CDH4: variants seen among roughly 807,000 people sequenced by gnomAD.
CDH4 encodes cadherin-4.
Under a neutral mutation model 86.0 loss-of-function variants are expected in CDH4, and 33 were observed. The observed-to-expected ratio is 0.38, with a 90% confidence interval of 0.29 to 0.51. The LOEUF is 0.51. CDH4 is among the 20% of genes least tolerant of loss of function. The pLI, the probability that CDH4 is intolerant of heterozygous loss-of-function variation, is 0.86. For synonymous variants in CDH4, 555 were observed against 549.4 expected (o/e 1.01, Z -0.14); for missense variants, 1,114 against 1,307.4 (o/e 0.85, Z 2.28).
At chr20:61,581,601 C>T (rs1368047833) in intron 2 of CDH4, among the ~76,000 whole-genome samples, 1 of 152,174 alleles carries the variant, frequency 6.6e-6, no homozygotes, top group African/African-American at 2.4e-5. Context: ...CGAAGTCACA[C>T]CTCCTCCTCG....
chr20:61,554,558 A>G (rs1438979304), intron 2 of CDH4, among the ~76,000 whole-genome samples: 3 of 152,250 alleles, frequency 2.0e-5, no homozygotes, highest in Admixed American at 6.5e-5. Context: ...GGCCCCAGCC[A>G]TGGAACTGGG....
chr20:61,924,285 C>A, intron 10 of CDH4, 49 bp from the exon 11 acceptor site: 1 of 1,549,662 alleles, frequency 6.5e-7, no homozygotes, highest in Non-Finnish European at 8.8e-7. Flanking sequence ...TCCAGGGCAG[C>A]CCCGCCCACC....
chr20:61,875,422 C>G (rs1983980023), intron 7 of CDH4, among the ~76,000 whole-genome samples: 1 of 152,176 alleles, frequency 6.6e-6, no homozygotes, highest in African/African-American at 2.4e-5. Context: ...CAGACCCGCA[C>G]AGCAGAGGAC....
chr20:61,817,685 G>A (rs13042362), intron 4 of CDH4, among the ~76,000 whole-genome samples: 62,382 of 151,888 alleles, frequency 0.41, 15,667 homozygotes, highest in Non-Finnish European at 0.57. Flanking sequence ...CTGAATCCAC[G>A]GCTAGCTATG....
intron 2 of CDH4, among the ~76,000 whole-genome samples, chr20:61,650,719 C>A (rs781524187): frequency 6.6e-6 from 1 of 152,186 alleles, no homozygotes; most frequent in Non-Finnish European, 1.5e-5. Context: ...AGGTTTATTT[C>A]CATACTTAAA....
chr20:61,396,424 A>T lies in CDH4; in HGVS notation c.169+141487A>T, dbSNP rs191113957. On this transcript the variant is annotated intron_variant, in intron 2 of 15. Coordinates refer to ENST00000614565, the MANE Select transcript of CDH4 (RefSeq NM_001794.5). ...TCAGGAGGATCTGGAAAGCACGTGG[A>T]CTTCCCAGGATGCTGGCAGCGTCCG... Among the ~76,000 whole-genome samples the T allele has an allele frequency of 4.1e-4, 62 of 152,290 alleles. 2 individuals are homozygous for T. In the South Asian group the frequency reaches 0.012, roughly 30 times the overall value.
At chr20:61,628,346 CA>C (rs1259234987) in intron 2 of CDH4, among the ~76,000 whole-genome samples, 1 of 152,104 alleles carries the variant, frequency 6.6e-6, no homozygotes, top group African/African-American at 2.4e-5. Flanking sequence ...CCCCTGTGCT[CA>C]GCCGGTCACT....
chr20:61,618,751 G>A (rs559576798), intron 2 of CDH4, among the ~76,000 whole-genome samples: 15 of 152,346 alleles, frequency 9.8e-5, no homozygotes, highest in Admixed American at 3.3e-4. Flanking sequence ...GAATTCACTC[G>A]TGTGAGCAAT....
chr20:61,729,341 G>A (rs6121784), intron 2 of CDH4, among the ~76,000 whole-genome samples: 1 of 152,128 alleles, frequency 6.6e-6, no homozygotes, highest in Admixed American at 6.5e-5. Flanking sequence ...CAGTTTCTAC[G>A]GCCACTGTGG....
intron 2 of CDH4, among the ~76,000 whole-genome samples, chr20:61,572,438 G>C (rs1023187849): frequency 6.6e-6 from 1 of 152,200 alleles, no homozygotes; most frequent in Non-Finnish European, 1.5e-5. Flanking sequence ...GGGCTGGCCT[G>C]GGGTGCAGTC....
chr20:61,589,203 G>T (rs1399057773), intron 2 of CDH4, among the ~76,000 whole-genome samples: 1 of 152,158 alleles, frequency 6.6e-6, no homozygotes, highest in Admixed American at 6.5e-5. Flanking sequence ...TGCCAAATAG[G>T]CTTCCCAGAG....
chr20:61,661,548 T>C (rs951567957), intron 2 of CDH4, among the ~76,000 whole-genome samples: 7 of 149,852 alleles, frequency 4.7e-5, no homozygotes, highest in African/African-American at 1.7e-4. Flanking sequence ...TTTTAATAGC[T>C]GGAGGAAGGG....
At chr20:61,356,795 T>C (rs540722499) in intron 2 of CDH4, among the ~76,000 whole-genome samples, 2 of 152,334 alleles carry the variant, frequency 1.3e-5, no homozygotes, top group East Asian at 3.9e-4. Context: ...CAATGGAACA[T>C]CAGCCAGTTT....
At chr20:61,378,031 T>C (rs776035265) in intron 2 of CDH4, among the ~76,000 whole-genome samples, 7 of 152,162 alleles carry the variant, frequency 4.6e-5, no homozygotes, top group Non-Finnish European at 8.8e-5. Flanking sequence ...AGGTGGGCGA[T>C]CGCTTGAGCC....
chr20:61,801,494 C>T (rs1268153278), intron 4 of CDH4, among the ~76,000 whole-genome samples: 3 of 152,148 alleles, frequency 2.0e-5, no homozygotes, highest in Non-Finnish European at 2.9e-5. Context: ...TGTGAGTTGC[C>T]GGGAGCTGCT....
intron 4 of CDH4, among the ~76,000 whole-genome samples, chr20:61,818,845 G>A (rs938176341): frequency 3.3e-5 from 5 of 151,988 alleles, no homozygotes; most frequent in Admixed American, 1.3e-4. Flanking sequence ...CACCCCCTGC[G>A]CCACCCCACC....
rs148399319 is a variant in CDH4, at chr20:61,925,683, G to A, written c.1771+1207G>A. Among the ~76,000 whole-genome samples the A allele has an allele frequency of 1.3e-3, 200 of 152,350 alleles. 2 individuals are homozygous for A. Among genetic ancestry groups the A allele is most frequent in the African/African-American group, 4.6e-3 (191 of 41,586 alleles). Reference sequence around the variant, plus strand: ...GTGAATACTGATGGAGGAAACTGCAGCACAATTGAGGCTTTTTTTCTCTCA... The same window carrying A: ...GTGAATACTGATGGAGGAAACTGCAACACAATTGAGGCTTTTTTTCTCTCA... On this transcript the variant is annotated intron_variant, in intron 11 of 15. Transcript: ENST00000614565.
rs191162200 is a variant in CDH4 at position 61,914,103 on chromosome 20, C to G, written c.1374+3496C>G. Among the ~76,000 whole-genome samples the G allele has an allele frequency of 4.4e-3, 677 of 152,348 alleles. 2 individuals are homozygous for G. Among genetic ancestry groups the G allele is most frequent in the Non-Finnish European group, 7.1e-3 (483 of 68,032 alleles). On this transcript the variant is annotated intron_variant, in intron 9 of 15. Transcript: ENST00000614565. ...CCACCACCTGTGCCTCCTGCCCCCCCACAGCCAGTCAACATCAGTGGCACT... is the reference window on the plus strand; with the variant it reads ...CCACCACCTGTGCCTCCTGCCCCCCGACAGCCAGTCAACATCAGTGGCACT...
chr20:61,541,658 G>A (rs6121675), intron 2 of CDH4, among the ~76,000 whole-genome samples: 5 of 152,136 alleles, frequency 3.3e-5, no homozygotes, highest in South Asian at 2.1e-4. Flanking sequence ...GCATCTCTTC[G>A]CCATGTGTTT....
Sources: gnomAD v4.1 joint callset for allele counts (sites outside exome capture counted in the v4.1 genomes callset) on GRCh38, gnomAD v4.1.1 for gene constraint, MANE v1.5 for transcripts, NCBI Gene and HGNC (gene_info 2026-07-23, HGNC 2026-07-21) for gene names.